The following RBFOX1 variants were observed in gnomAD, a reference collection of about 807,000 sequenced individuals.
RBFOX1 encodes RNA binding protein fox-1 homolog 1.
A neutral mutation model predicts 57.7 loss-of-function variants in RBFOX1; 8 were observed. The observed-to-expected ratio is 0.14, with a 90% CI of 0.08 to 0.25. The LOEUF (loss-of-function observed/expected upper bound fraction) is 0.25. Ranked by LOEUF, RBFOX1 falls within the 10% of genes least tolerant of loss-of-function variation. The pLI, the probability that RBFOX1 is intolerant of heterozygous loss-of-function variation, is 1.00. For synonymous variants in RBFOX1, 326 were observed against 222.4 expected (o/e 1.47, Z -4.15); for missense variants, 611 against 548.5 (o/e 1.11, Z -1.14).
Position 6,350,519 on chromosome 16 carries a change from C to G in RBFOX1, c.-64+33462C>G, listed in dbSNP as rs1203300693. On this transcript the variant is annotated intron_variant, in intron 2 of 15. Transcript: ENST00000550418. ...AAAAAACAGTGTTCTCTAGAATATA[C>G]TTCCCAACTTCTAAGTACTTCATTT... Among the ~76,000 whole-genome samples the G allele has an allele frequency of 3.7e-5, 5 of 134,352 alleles. No homozygotes were observed. In the East Asian group the frequency reaches 1.2e-3, roughly 33 times the overall value. 88.1% of individuals were successfully genotyped at this position (134,352 alleles called of 152,430 possible). A position where few individuals can be genotyped will look rare whatever the true frequency, so the allele number is the denominator to read the frequency against.
intron 2 of RBFOX1, among the ~76,000 whole-genome samples, chr16:6,596,366 C>T (rs1005678442): frequency 1.3e-5 from 2 of 152,144 alleles, no homozygotes; most frequent in African/African-American, 4.8e-5. Flanking sequence ...ATTGAAAATC[C>T]TATTTTCTCA....
chr16:7,708,130 G>A (rs939036061), intron 14 of RBFOX1, among the ~76,000 whole-genome samples: 4 of 152,006 alleles, frequency 2.6e-5, no homozygotes, highest in Admixed American at 2.6e-4. Context: ...CTTGAACCCT[G>A]GAGTTTTGAA....
At chr16:6,923,929 G>A (rs2075025878) in intron 3 of RBFOX1, among the ~76,000 whole-genome samples, 1 of 152,018 alleles carries the variant, frequency 6.6e-6, no homozygotes, top group Admixed American at 6.6e-5. Flanking sequence ...CCAGCACTTT[G>A]GAGGCTGAGT....
chr16:5,529,641 A>T (rs943922838), intron 2 of RBFOX1, among the ~76,000 whole-genome samples: 23 of 150,314 alleles, frequency 1.5e-4, no homozygotes, highest in African/African-American at 5.7e-4. Context: ...ATTTTGGCTC[A>T]CTGCAATCTC....
At chr16:6,897,357 C>T (rs950770226) in intron 3 of RBFOX1, among the ~76,000 whole-genome samples, 18 of 152,116 alleles carry the variant, frequency 1.2e-4, no homozygotes, top group African/African-American at 2.7e-4. Flanking sequence ...GAGCCGAGGT[C>T]GTGCCATTGC....
At chr16:5,456,785 A>G (rs1006385596) in intron 1 of RBFOX1, among the ~76,000 whole-genome samples, 5 of 152,168 alleles carry the variant, frequency 3.3e-5, no homozygotes, top group African/African-American at 1.2e-4. Flanking sequence ...TGTAATTCCA[A>G]TGCTTGAATC....
intron 3 of RBFOX1, among the ~76,000 whole-genome samples, chr16:6,697,053 T>A (rs974860550): frequency 3.2e-4 from 49 of 152,202 alleles, no homozygotes; most frequent in African/African-American, 1.2e-3. Flanking sequence ...GCTTGGCCAA[T>A]GCAAAATTAT....
chr16:6,901,489 G>A (rs2068482178), intron 3 of RBFOX1, among the ~76,000 whole-genome samples: 1 of 152,250 alleles, frequency 6.6e-6, no homozygotes, highest in East Asian at 1.9e-4. Flanking sequence ...CTTAGCCCAT[G>A]ACTCTCGACC....
chr16:7,156,957 G>T (rs1219517758), intron 4 of RBFOX1, among the ~76,000 whole-genome samples: 1 of 152,084 alleles, frequency 6.6e-6, no homozygotes, highest in Non-Finnish European at 1.5e-5. Context: ...ACAGCAAAAA[G>T]TGCCTTTAAA....
At chr16:6,939,625 C>T (rs1227394647) in intron 3 of RBFOX1, among the ~76,000 whole-genome samples, 1 of 151,722 alleles carries the variant, frequency 6.6e-6, no homozygotes, top group African/African-American at 2.4e-5. Flanking sequence ...GATTCTCATG[C>T]CTCAACCACC....
chr16:6,490,230 T>G (rs1014133350), intron 2 of RBFOX1, among the ~76,000 whole-genome samples: 2 of 152,218 alleles, frequency 1.3e-5, no homozygotes, highest in Non-Finnish European at 2.9e-5. Flanking sequence ...TTTGACACAT[T>G]TTATTCTGCT....
Position 5,919,607 on chromosome 16 carries a change from G to A in RBFOX1, c.351+52272G>A, listed in dbSNP as rs566668248. Among the ~76,000 whole-genome samples the A allele has an allele frequency of 6.6e-5, 10 of 152,266 alleles. No homozygotes were observed. In the South Asian group the frequency reaches 2.1e-3, roughly 32 times the overall value. On this transcript the variant is annotated intron_variant, in intron 4 of 19. Transcript: ENST00000641259. ...GATCCGCATGCCTCGGCCTCCCAAA[G>A]TGCTGGGATTATGCAAATTTTATAT...
chr16:5,688,295 G>C lies in RBFOX1; in HGVS notation c.318+89334G>C, dbSNP rs8047894. 2.8e-3 allele frequency among the ~76,000 whole-genome samples: 425 copies of C among 152,290 alleles called. 1 individual carries two copies. Among genetic ancestry groups the C allele is most frequent in the African/African-American group, 9.6e-3 (400 of 41,564 alleles). ...ACAATTTATTTTGTTAGTCAGAAATGATCCTTAAGAAAAAAGCATTTTTTG... is the reference window on the plus strand; with the variant it reads ...ACAATTTATTTTGTTAGTCAGAAATCATCCTTAAGAAAAAAGCATTTTTTG... On this transcript the variant is annotated intron_variant, in intron 3 of 19. Transcript: ENST00000641259.
chr16:7,392,156 T>G (rs143848346), intron 4 of RBFOX1, among the ~76,000 whole-genome samples: 231 of 152,346 alleles, frequency 1.5e-3, no homozygotes, highest in African/African-American at 5.1e-3. Context: ...CAAAAATGTT[T>G]TATTCTGCCT....
At position 5,659,404 on chromosome 16, in the gene RBFOX1, C is replaced by T. The variant is rs9646292; in HGVS notation, c.318+60443C>T. ...CTGCAACCTCTGCCTCCCGGGTTCA[C>T]GTCATTCTCCTGCCTCGGCCTCCTG... On this transcript the variant is annotated intron_variant, in intron 3 of 19. Coordinates refer to the RBFOX1 transcript ENST00000641259. Among the ~76,000 whole-genome samples the T allele has an allele frequency of 8.3e-3, 1,260 of 151,042 alleles. 17 individuals carry two copies. Among genetic ancestry groups the T allele is most frequent in the African/African-American group, 0.028 (1,168 of 41,146 alleles).
intron 4 of RBFOX1, among the ~76,000 whole-genome samples, chr16:5,906,110 C>A (rs372052719): frequency 2.6e-5 from 4 of 152,136 alleles, no homozygotes; most frequent in African/African-American, 9.7e-5. Flanking sequence ...AACACCTCAA[C>A]TGGTATTTTT....
At chr16:7,028,347 C>G (rs895897480) in intron 3 of RBFOX1, among the ~76,000 whole-genome samples, 25 of 152,010 alleles carry the variant, frequency 1.6e-4, no homozygotes. Flanking sequence ...GGGCTCAGGG[C>G]TGGAGTTAGA....
intron 3 of RBFOX1, among the ~76,000 whole-genome samples, chr16:6,838,127 G>T (rs1195376118): frequency 6.6e-6 from 1 of 151,932 alleles, no homozygotes; most frequent in Non-Finnish European, 1.5e-5. Context: ...TGTTGTCTAG[G>T]TTTAAAGCCC....
intron 4 of RBFOX1, among the ~76,000 whole-genome samples, chr16:7,488,672 C>T (rs2066083384): frequency 6.6e-6 from 1 of 152,198 alleles, no homozygotes; most frequent in Non-Finnish European, 1.5e-5. Flanking sequence ...ATCTGTCCAT[C>T]ATCTATCCAT....
Sources: gnomAD v4.1 joint callset for allele counts (sites outside exome capture counted in the v4.1 genomes callset) on GRCh38, gnomAD v4.1.1 for gene constraint, MANE v1.5 for transcripts, NCBI Gene and HGNC (gene_info 2026-07-23, HGNC 2026-07-21) for gene names.